Variants in NTAQ1 observed in about 807,000 individuals in gnomAD.
NTAQ1 encodes N-terminal glutamine amidase 1.
A neutral mutation model predicts 28.2 loss-of-function variants in NTAQ1; 21 were observed. That is an observed-to-expected ratio of 0.74 (90% CI 0.53 to 1.07). The LOEUF (loss-of-function observed/expected upper bound fraction) is 1.07, where lower values mean the gene tolerates loss of function less well. NTAQ1 is among the 50% of genes least tolerant of loss of function. The pLI is 0.00. For missense variants in NTAQ1, 264 were observed against 256.6 expected, an observed-to-expected ratio of 1.03 and a Z score of -0.20; for synonymous variants, 105 against 90.0, an observed-to-expected ratio of 1.17 and a Z score of -0.94.
At chr8:123,473,952 A>G (rs1272639684), downstream of NTAQ1, among the ~76,000 whole-genome samples, 1 of 152,204 alleles carries the variant, frequency 6.6e-6, no homozygotes, top group African/African-American at 2.4e-5. Flanking sequence ...TATTATTAAT[A>G]TCATTGGTAT....
At chr8:123,462,900 A>G (rs1243126745) in intron 6 of NTAQ1, among the ~76,000 whole-genome samples, 1 of 152,246 alleles carries the variant, frequency 6.6e-6, no homozygotes, top group East Asian at 1.9e-4. Context: ...TAAATTAAAA[A>G]GTCTGACACT....
chr8:123,424,061 TA>T (rs1416268998), intron 1 of NTAQ1, among the ~76,000 whole-genome samples: 1 of 140,288 alleles, frequency 7.1e-6, no homozygotes. Flanking sequence ...TTTGTGTTTT[TA>T]TTTTTATGCG....
chr8:123,460,745 A>G (rs1312551982), intron 6 of NTAQ1, among the ~76,000 whole-genome samples: 1 of 152,050 alleles, frequency 6.6e-6, no homozygotes, highest in African/African-American at 2.4e-5. Flanking sequence ...GCTGGGGGAG[A>G]CCTGCATGCA....
chr8:123,473,298 CTTTT>C (rs112065412), downstream of NTAQ1, among the ~76,000 whole-genome samples: 2 of 140,154 alleles, frequency 1.4e-5, no homozygotes, highest in Non-Finnish European at 1.5e-5. Flanking sequence ...TCTTGAAATT[CTTTT>C]TTTTTTTTTT....
At chr8:123,460,362 T>G (rs527281286) in intron 6 of NTAQ1, among the ~76,000 whole-genome samples, 1 of 152,274 alleles carries the variant, frequency 6.6e-6, no homozygotes, top group East Asian at 1.9e-4. Flanking sequence ...ACAGTTAATA[T>G]GTAAAGGAAT....
At chr8:123,466,722 T>C (rs1268818264) in intron 6 of NTAQ1, among the ~76,000 whole-genome samples, 1 of 152,222 alleles carries the variant, frequency 6.6e-6, no homozygotes, top group East Asian at 1.9e-4. Context: ...TTTTCAGTTC[T>C]TTTGGATATA....
chr8:123,437,459 T>G, intron 5 of NTAQ1, 125 bp downstream of exon 5: 1 of 1,400,262 alleles, frequency 7.1e-7, no homozygotes, highest in Non-Finnish European at 9.6e-7. Flanking sequence ...ATCCCAGCAC[T>G]TTGGGAGGCC....
downstream of NTAQ1, among the ~76,000 whole-genome samples, chr8:123,473,610 A>G (rs1012584168): frequency 2.0e-5 from 3 of 152,196 alleles, no homozygotes; most frequent in Admixed American, 6.5e-5. Context: ...GAATTTCTAC[A>G]TTGTTGACAT....
In NTAQ1 at chr8:123,437,211, A is replaced by G; in HGVS notation, c.385A>G (p.Lys129Glu). 1 of 1,613,538 alleles carries G rather than the reference A, an allele frequency of 6.2e-7. No homozygotes were observed. The highest frequency in any genetic ancestry group is 8.5e-7 in the Non-Finnish European group (1 of 1,179,810). Residue 129 changes from lysine (K) to glutamate (E), a missense_variant and splice_region_variant, in exon 5 of 6, where the codon AAA becomes GAA. Physicochemically the swap from Lys to Glu is moderately conservative, Grantham distance 56. Coordinates refer to ENST00000287387, the MANE Select transcript of NTAQ1 (RefSeq NM_018024.3). ...DDDIHPQFRR[K>E]FRVIRADSYL... Reference sequence around the variant, plus strand: ...GAGTGTATATTGATTTTTCTGCAGGAAATTTAGAGTGATCCGTGCAGATTC... The same window carrying G: ...GAGTGTATATTGATTTTTCTGCAGGGAATTTAGAGTGATCCGTGCAGATTC...
intron 1 of NTAQ1, among the ~76,000 whole-genome samples, chr8:123,426,574 G>T (rs545174699): frequency 1.1e-4 from 16 of 152,284 alleles, no homozygotes; most frequent in African/African-American, 3.4e-4. Context: ...AGCTACTCAG[G>T]AGGCTGAGGC....
At chr8:123,449,983 A>ATATATATATATAT (rs1815441935), downstream of NTAQ1, among the ~76,000 whole-genome samples, 1 of 119,424 alleles carries the variant, frequency 8.4e-6, no homozygotes. Context: ...ATGCTGGATA[A>ATATATATATATAT]AGGGGTCCCA....
chr8:123,428,737 A>G (rs1814221118), intron 2 of NTAQ1, among the ~76,000 whole-genome samples: 1 of 151,824 alleles, frequency 6.6e-6, no homozygotes, highest in Non-Finnish European at 1.5e-5. Context: ...AGTAGCTGGG[A>G]CTACAGGTGT....
intron 6 of NTAQ1, among the ~76,000 whole-genome samples, chr8:123,463,508 A>C (rs953749086): frequency 1.1e-4 from 16 of 152,188 alleles, no homozygotes; most frequent in African/African-American, 3.9e-4. Context: ...GTTTATTCCT[A>C]TTATAAGTAT....
intron 1 of NTAQ1, among the ~76,000 whole-genome samples, chr8:123,419,775 C>T (rs1813566047): frequency 9.0e-6 from 1 of 111,656 alleles, no homozygotes; most frequent in Middle Eastern, 5.6e-3. Context: ...TTCCTTTCTT[C>T]CCTCCCTCCC....
chr8:123,462,721 G>C (rs1451793449), intron 6 of NTAQ1, among the ~76,000 whole-genome samples: 1 of 152,126 alleles, frequency 6.6e-6, no homozygotes, highest in African/African-American at 2.4e-5. Context: ...TCATTTGACT[G>C]TTTGACTCCA....
intron 5 of NTAQ1, among the ~76,000 whole-genome samples, chr8:123,437,702 CAAAA>C (rs67334148): frequency 6.6e-5 from 9 of 137,206 alleles, no homozygotes; most frequent in Non-Finnish European, 7.9e-5. Context: ...GACTCCATCT[CAAAA>C]AAAAAAAAAA....
chr8:123,423,985 T>G (rs971346265), intron 1 of NTAQ1, among the ~76,000 whole-genome samples: 1 of 151,602 alleles, frequency 6.6e-6, no homozygotes, highest in African/African-American at 2.4e-5. Context: ...CGGGTTCAAG[T>G]GAGTCTTGTG....
chr8:123,424,461 C>A (rs1012801134), intron 1 of NTAQ1, among the ~76,000 whole-genome samples: 14 of 152,152 alleles, frequency 9.2e-5, no homozygotes, highest in Non-Finnish European at 1.6e-4. Flanking sequence ...CCAGGCTGGT[C>A]TTGAACGCCT....
upstream of NTAQ1, chr8:123,416,734 C>T (rs920093157): frequency 1.9e-6 from 2 of 1,051,944 alleles, no homozygotes; most frequent in Non-Finnish European, 1.3e-6. Flanking sequence ...CCCTCTCCCC[C>T]CGGGCTCCGC....
Sources: allele counts gnomAD v4.1 joint callset (sites outside exome capture counted in the v4.1 genomes callset), GRCh38; gene constraint gnomAD v4.1.1; transcripts MANE v1.5; gene names NCBI Gene and HGNC (gene_info 2026-07-23, HGNC 2026-07-21).